PACRGL: variants seen among roughly 807,000 people sequenced by gnomAD.
PACRGL encodes parkin coregulated like, also known as PACRG-like protein.
PACRGL carries 38 observed loss-of-function variants against 34.5 expected under a neutral mutation model. The ratio of observed to expected loss-of-function variants is 1.10; its 90% confidence interval spans 0.85 to 1.44. The LOEUF is 1.44. Among genes scored for constraint, PACRGL ranks in the 40% most tolerant of loss-of-function variants. The pLI, the probability that PACRGL is intolerant of heterozygous loss-of-function variation, is 0.00. For synonymous variants in PACRGL, 128 were observed against 100.1 expected, an observed-to-expected ratio of 1.28 and a Z score of -1.66; for missense variants, 305 against 281.4, an observed-to-expected ratio of 1.08 and a Z score of -0.60.
chr4:20,716,913 T>C (rs1740325996), intron 7 of PACRGL, among the ~76,000 whole-genome samples: 2 of 152,228 alleles, frequency 1.3e-5, no homozygotes, highest in Non-Finnish European at 2.9e-5. Flanking sequence ...CGCCACACTG[T>C]CTTACACAAT....
At chr4:20,715,734 G>A (rs144019412) in intron 7 of PACRGL, among the ~76,000 whole-genome samples, 2 of 152,150 alleles carry the variant, frequency 1.3e-5, no homozygotes, top group Admixed American at 6.5e-5. Flanking sequence ...AAGTGTGGTG[G>A]CATACACCTG....
chr4:20,718,045 C>T (rs1352730416), intron 7 of PACRGL, among the ~76,000 whole-genome samples: 2 of 151,580 alleles, frequency 1.3e-5, no homozygotes, highest in South Asian at 2.1e-4. Context: ...TGAAGAGGTC[C>T]TTCACATCCC....
At chr4:20,723,436 T>TG (rs1398002928) in intron 7 of PACRGL, among the ~76,000 whole-genome samples, 7 of 150,766 alleles carry the variant, frequency 4.6e-5, no homozygotes, top group African/African-American at 1.7e-4. Context: ...TTTGTTTTTT[T>TG]GTTTTTGTTT....
At chr4:20,763,593 G>T in the PACRGL span, among the ~76,000 whole-genome samples, 2 of 152,152 alleles carry the variant, frequency 1.3e-5, no homozygotes, top group Non-Finnish European at 2.9e-5. Context: ...AAGAAGTCTG[G>T]TATGGCCAGA....
At position 20,713,500 on chromosome 4, in the gene PACRGL, T is replaced by C. The variant is rs1197111860; in HGVS notation, c.570T>C (p.Gly190=). 1.9e-6 allele frequency: 3 copies of C among 1,613,648 alleles called. No homozygotes were observed. The change falls in exon 7 of 9, where the codon GGT becomes GGC. Residue 190 remains glycine, a synonymous_variant. Transcript: ENST00000503585. The part of the protein sequence containing the change: ...NALVQLSVVV[G]PSLNDHLKHL... ...TAGTTCAGCTAAGTGTCGTTGTTGG[T>C]CCTTCTCTAAACGACCATCTGAAGC...
chr4:20,753,557 C>G (rs536882022), downstream of PACRGL, among the ~76,000 whole-genome samples: 6 of 152,244 alleles, frequency 3.9e-5, no homozygotes, highest in Admixed American at 3.9e-4. Flanking sequence ...AGAATGAAAT[C>G]AATCTGGTTT....
intron 8 of PACRGL, among the ~76,000 whole-genome samples, chr4:20,743,772 G>C (rs1182399141): frequency 6.6e-6 from 1 of 152,052 alleles, no homozygotes; most frequent in Non-Finnish European, 1.5e-5. Flanking sequence ...TGACAAATGG[G>C]ATCTAATTAA....
the PACRGL span, among the ~76,000 whole-genome samples, chr4:20,760,042 TCAGAG>T: frequency 6.6e-6 from 1 of 152,264 alleles, no homozygotes; most frequent in East Asian, 1.9e-4. Flanking sequence ...AGCTGCAAAT[TCAGAG>T]GGGCGACTAT....
At chr4:20,748,525 T>C (rs931957183) in intron 8 of PACRGL, among the ~76,000 whole-genome samples, 1 of 144,946 alleles carries the variant, frequency 6.9e-6, no homozygotes, top group African/African-American at 2.5e-5. Context: ...GATGCATCCT[T>C]CCTCACTTCC....
At position 20,704,678 on chromosome 4, in the gene PACRGL, C is replaced by T; in HGVS notation, c.71C>T (p.Thr24Ile). 1 of 1,614,050 alleles carries T rather than the reference C, an allele frequency of 6.2e-7. No homozygotes were observed. The highest frequency in any genetic ancestry group is 8.5e-7 in the Non-Finnish European group (1 of 1,179,984). ...TTTCCAGGTAACTATGATCAAAGGACATCATCAAGCACACAGTTAAAACAC... is the reference window on the plus strand; with the variant it reads ...TTTCCAGGTAACTATGATCAAAGGATATCATCAAGCACACAGTTAAAACAC... Reference protein sequence around the residue: ...NRATGNYDQRTSSSTQLKHRN... With the variant: ...NRATGNYDQRISSSTQLKHRN... Residue 24 changes from threonine (T) to isoleucine (I), a missense_variant, in exon 3 of 9, where the codon ACA becomes ATA. Transcript: ENST00000503585.
chr4:20,724,769 T>C, intron 7 of PACRGL, 39 bp from the exon 8 acceptor site: 3 of 1,250,188 alleles, frequency 2.4e-6, no homozygotes, highest in Non-Finnish European at 3.2e-6. Flanking sequence ...ATTGTTAAGT[T>C]TAAAGTCATT....
the PACRGL span, among the ~76,000 whole-genome samples, chr4:20,761,217 A>G: frequency 6.6e-6 from 1 of 152,302 alleles, no homozygotes; most frequent in Non-Finnish European, 1.5e-5. Flanking sequence ...CTGAGGCTCC[A>G]GCTTGCCAGA....
At chr4:20,711,667 G>A (rs1737269619) in intron 5 of PACRGL, among the ~76,000 whole-genome samples, 1 of 152,118 alleles carries the variant, frequency 6.6e-6, no homozygotes, top group South Asian at 2.1e-4. Flanking sequence ...CAAACTAAAG[G>A]AGTTTACTGT....
chr4:20,755,961 A>G (rs1553890497), downstream of PACRGL, among the ~76,000 whole-genome samples: 2 of 151,924 alleles, frequency 1.3e-5, no homozygotes, highest in Non-Finnish European at 2.9e-5. Flanking sequence ...TTTGTAGGCC[A>G]CTCTGTAGGT....
chr4:20,749,765 A>G (rs1442757474), intron 8 of PACRGL: 6 of 1,455,096 alleles, frequency 4.1e-6, no homozygotes, highest in Non-Finnish European at 5.8e-6. Flanking sequence ...TCATTAAGTC[A>G]GTGTTTCCAT....
the PACRGL span, among the ~76,000 whole-genome samples, chr4:20,759,394 C>A: frequency 2.6e-5 from 4 of 152,052 alleles, no homozygotes; most frequent in African/African-American, 7.2e-5. Flanking sequence ...CTAGGCATAC[C>A]CAAGACATGG....
intron 8 of PACRGL, among the ~76,000 whole-genome samples, chr4:20,725,525 C>G (rs1040117496): frequency 1.3e-5 from 2 of 152,134 alleles, no homozygotes; most frequent in African/African-American, 4.8e-5. Flanking sequence ...TTCAGATAAT[C>G]TCGTCTTAGA....
chr4:20,741,774 T>A (rs1751170102), intron 8 of PACRGL, among the ~76,000 whole-genome samples: 1 of 151,994 alleles, frequency 6.6e-6, no homozygotes, highest in Non-Finnish European at 1.5e-5. Flanking sequence ...AATCAATGAA[T>A]CCAGGAGCTG....
In PACRGL at chr4:20,713,500, T is replaced by G. The variant is rs1197111860; in HGVS notation, c.570T>G (p.Gly190=). 26 of 1,613,648 alleles carry G rather than the reference T, an allele frequency of 1.6e-5. No homozygotes were observed. Among genetic ancestry groups the G allele is most frequent in the Non-Finnish European group, 2.2e-5 (26 of 1,179,688 alleles). ...TAGTTCAGCTAAGTGTCGTTGTTGG[T>G]CCTTCTCTAAACGACCATCTGAAGC... ...NALVQLSVVV[G]PSLNDHLKHL... is the part of the protein sequence containing the mutation. The change falls in exon 7 of 9, where the codon GGT becomes GGG. Residue 190 remains glycine, a synonymous_variant. Transcript: ENST00000503585.
Sources: allele counts gnomAD v4.1 joint callset (sites outside exome capture counted in the v4.1 genomes callset), GRCh38; gene constraint gnomAD v4.1.1; transcripts MANE v1.5; gene names NCBI Gene and HGNC (gene_info 2026-07-23, HGNC 2026-07-21).